The following SLC6A11 variants were observed in gnomAD, a reference collection of about 807,000 sequenced individuals.
The protein encoded by SLC6A11 is solute carrier family 6 member 11.
SLC6A11 carries 25 observed loss-of-function variants against 74.8 expected under a neutral mutation model. That is an observed-to-expected ratio of 0.33 (90% CI 0.24 to 0.47). SLC6A11 has a LOEUF of 0.47. Among genes scored for constraint, SLC6A11 ranks in the 20% least tolerant of loss-of-function variants. SLC6A11 has a pLI of 1.00. For missense variants in SLC6A11, 574 were observed against 837.0 expected, an observed-to-expected ratio of 0.69 and a Z score of 3.88; for synonymous variants, 330 against 330.2, an observed-to-expected ratio of 1.00 and a Z score of 0.01.
intron 6 of SLC6A11, among the ~76,000 whole-genome samples, chr3:10,906,801 A>G (rs3821761): frequency 0.15 from 22,390 of 152,188 alleles, 2,825 homozygotes; most frequent in African/African-American, 0.3. Flanking sequence ...AGAATAGAGA[A>G]CAATAATTTC....
At position 10,896,044 on chromosome 3, in the gene SLC6A11, G is replaced by A. The variant is rs545125286; in HGVS notation, c.892-16046G>A. Among the ~76,000 whole-genome samples the A allele has an allele frequency of 3.1e-4, 47 of 152,356 alleles. 1 individual carries two copies. The South Asian group carries it at 8.9e-3, about 29-fold the overall frequency. On this transcript the variant is annotated intron_variant, in intron 6 of 13. Coordinates refer to ENST00000254488, the MANE Select transcript of SLC6A11 (RefSeq NM_014229.3). ...GAGAGACTGAGAGGCCCCAAGGCCC[G>A]GTTCCTTAAGGTCTGTCCACTGGGC...
In SLC6A11 at chr3:10,926,092, C is replaced by T. The variant is rs757356033; in HGVS notation, c.1209C>T (p.Leu403=). The T allele has an allele frequency of 1.9e-6, 3 of 1,612,786 alleles. No homozygotes were observed. The African/African-American group carries it at 4.0e-5, about 22-fold the overall frequency. Reference sequence around the variant, plus strand: ...GGGCCACCTTGTTCTTCATGATGCTCATCTTCCTGGGCCTGGACAGCCAGG... The same window carrying T: ...GGGCCACCTTGTTCTTCATGATGCTTATCTTCCTGGGCCTGGACAGCCAGG... ...PLWATLFFMM[L]IFLGLDSQFV... is the part of the protein sequence containing the mutation. The change falls in exon 9 of 14, where the codon CTC becomes CTT. Residue 403 remains leucine (L), a synonymous_variant. Coordinates refer to ENST00000254488, the MANE Select transcript of SLC6A11 (RefSeq NM_014229.3). The surrounding 1 kb of genome is among the most constrained non-coding windows in gnomAD (Gnocchi z 5.7).
At chr3:10,830,500 T>C (rs879502794) in intron 4 of SLC6A11, among the ~76,000 whole-genome samples, 8 of 152,326 alleles carry the variant, frequency 5.3e-5, no homozygotes, top group Admixed American at 5.2e-4. Flanking sequence ...CTTATGGAGC[T>C]GAGAGCACCA....
intron 8 of SLC6A11, among the ~76,000 whole-genome samples, chr3:10,925,423 CTCTCAGGTA>C (rs1559585701): frequency 6.6e-6 from 1 of 152,248 alleles, no homozygotes; most frequent in Non-Finnish European, 1.5e-5. Context: ...CAGGGCTAGC[CTCTCAGGTA>C]TCTGTCTGCT....
At chr3:10,922,327 C>T (rs1465990098) in intron 8 of SLC6A11, among the ~76,000 whole-genome samples, 2 of 152,082 alleles carry the variant, frequency 1.3e-5, no homozygotes, top group South Asian at 2.1e-4. Flanking sequence ...TTCATCAATG[C>T]TTAAAAAGCC....
At chr3:10,917,859 C>G (rs552239209) in intron 7 of SLC6A11, among the ~76,000 whole-genome samples, 8 of 152,292 alleles carry the variant, frequency 5.3e-5, no homozygotes, top group African/African-American at 1.7e-4. Context: ...AAAGCCTCTC[C>G]CCCGGAGGCT....
intron 4 of SLC6A11, among the ~76,000 whole-genome samples, chr3:10,835,083 C>G (rs1438564527): frequency 1.4e-4 from 21 of 152,210 alleles, no homozygotes; most frequent in Admixed American, 1.4e-3. Flanking sequence ...TGGCCACCAC[C>G]CATCCGCGAC....
intron 4 of SLC6A11, among the ~76,000 whole-genome samples, chr3:10,839,190 C>A (rs997924511): frequency 2.0e-5 from 3 of 152,170 alleles, no homozygotes; most frequent in Non-Finnish European, 2.9e-5. Context: ...AGCCCAGTTA[C>A]ACCAACCTGA....
At chr3:10,919,817 C>T (rs1217459576) in intron 8 of SLC6A11, among the ~76,000 whole-genome samples, 1 of 152,156 alleles carries the variant, frequency 6.6e-6, no homozygotes. Context: ...ATTTTTGCTA[C>T]CCCCATTTTA....
At chr3:10,823,531 A>T in intron 4 of SLC6A11, 139 bp downstream of exon 4, 1 of 640,006 alleles carries the variant, frequency 1.6e-6, no homozygotes, top group South Asian at 1.8e-5. Flanking sequence ...AGCATTCGAC[A>T]GCTTCGGAAG....
At chr3:10,847,069 G>T (rs943970592) in intron 5 of SLC6A11, among the ~76,000 whole-genome samples, 1 of 152,146 alleles carries the variant, frequency 6.6e-6, no homozygotes, top group Non-Finnish European at 1.5e-5. Context: ...TCACATGCCT[G>T]CTCCATTTAG....
intron 6 of SLC6A11, among the ~76,000 whole-genome samples, chr3:10,884,941 G>A (rs941108427): frequency 5.3e-5 from 8 of 152,166 alleles, no homozygotes; most frequent in Admixed American, 2.6e-4. Flanking sequence ...CACTTTGAGA[G>A]TATCTACCAA....
chr3:10,935,041 T>A lies in SLC6A11; in HGVS notation c.1588T>A (p.Phe530Ile). Reference protein sequence around the residue: ...TPGICAGIFIFFLIKYKPLKY... With the variant: ...TPGICAGIFIIFLIKYKPLKY... The stretch of plus-strand genomic sequence containing the variant: ...CATCTCTCTGCAGGGGATCTTCATC[T>A]TCTTCTTGATCAAGTACAAGCCACT... Residue 530 changes from phenylalanine to isoleucine, a missense_variant, in exon 13 of 14, where the codon TTC (phenylalanine) becomes ATC (isoleucine). Phe to Ile is a conservative substitution (Grantham distance 21). Coordinates refer to ENST00000254488, the MANE Select transcript of SLC6A11 (RefSeq NM_014229.3). 1 of 1,613,982 alleles carries A rather than the reference T, an allele frequency of 6.2e-7. No individual in the cohort carries two copies. The highest frequency in any genetic ancestry group is 8.5e-7 in the Non-Finnish European group (1 of 1,179,920).
rs1233794540 is a variant in SLC6A11 at position 10,926,794 on chromosome 3, A to G, written c.1233+678A>G. Among the ~76,000 whole-genome samples the G allele has an allele frequency of 6.6e-6, 1 of 151,190 alleles. No homozygotes were observed. Among genetic ancestry groups the G allele is most frequent in the East Asian group, 1.9e-4 (1 of 5,156 alleles). ...GCTTCCCGCACTGAGCACACTCCAG[A>G]CTCCCATCCCAGGTCCCCGGCCTCT... On this transcript the variant is annotated intron_variant, in intron 9 of 13. Coordinates refer to ENST00000254488, the MANE Select transcript of SLC6A11 (RefSeq NM_014229.3). This position sits in a 1 kb window ranked among gnomAD's most constrained non-coding sequence, Gnocchi z 5.7.
chr3:10,928,055 T>C (rs2106633571), intron 9 of SLC6A11, among the ~76,000 whole-genome samples: 1 of 152,330 alleles, frequency 6.6e-6, no homozygotes. Context: ...TCTGTGCTTC[T>C]GTGTCTTCAT....
At chr3:10,839,753 A>G (rs1227619037) in intron 4 of SLC6A11, among the ~76,000 whole-genome samples, 1 of 152,156 alleles carries the variant, frequency 6.6e-6, no homozygotes, top group Non-Finnish European at 1.5e-5. Context: ...TGTCTTGCCA[A>G]CACCTCCAAA....
At chr3:10,855,214 G>A (rs552187351) in intron 5 of SLC6A11, among the ~76,000 whole-genome samples, 29 of 152,314 alleles carry the variant, frequency 1.9e-4, no homozygotes, top group African/African-American at 5.5e-4. Flanking sequence ...GCTGATACAA[G>A]CATCCTGTGG....
At chr3:10,835,062 C>T (rs372874961) in intron 4 of SLC6A11, among the ~76,000 whole-genome samples, 6 of 152,212 alleles carry the variant, frequency 3.9e-5, no homozygotes, top group Non-Finnish European at 7.3e-5. Context: ...CTGATGCTCT[C>T]GCGCCTATCC....
chr3:10,892,931 T>G (rs962445474), intron 6 of SLC6A11, among the ~76,000 whole-genome samples: 2 of 152,170 alleles, frequency 1.3e-5, no homozygotes, highest in Non-Finnish European at 2.9e-5. Flanking sequence ...TGATTAACAT[T>G]CCTGGGTGTT....
Sources: gnomAD v4.1 joint callset for allele counts (sites outside exome capture counted in the v4.1 genomes callset) on GRCh38, gnomAD v4.1.1 for gene constraint, Gnocchi (gnomAD v3.1) non-coding constraint, MANE v1.5 for transcripts, NCBI Gene and HGNC (gene_info 2026-07-23, HGNC 2026-07-21) for gene names.